CSMD1: variants seen among roughly 807,000 people sequenced by gnomAD.
CSMD1 encodes the protein CUB and sushi domain-containing protein 1.
Under a neutral mutation model 417.5 loss-of-function variants are expected in CSMD1, and 213 were observed. The observed-to-expected ratio is 0.51, with a 90% confidence interval of 0.46 to 0.57. The LOEUF (loss-of-function observed/expected upper bound fraction) is 0.57. Ranked by LOEUF, CSMD1 falls within the 20% of genes least tolerant of loss-of-function variation. CSMD1 has a pLI of 0.00. For synonymous variants in CSMD1, 2,862 were observed against 1,736.8 expected (o/e 1.65, Z -16.11); for missense variants, 6,923 against 4,529.7 (o/e 1.53, Z -15.17).
At chr8:3,427,114 G>A (rs73174819) in intron 12 of CSMD1, among the ~76,000 whole-genome samples, 142 of 152,244 alleles carry the variant, frequency 9.3e-4, no homozygotes, top group Non-Finnish European at 6.0e-4. Context: ...ACTCTACTTG[G>A]CCTCTCCTTT....
At chr8:3,299,226 T>A (rs1291633404) in intron 25 of CSMD1, among the ~76,000 whole-genome samples, 1 of 151,960 alleles carries the variant, frequency 6.6e-6, no homozygotes, top group Non-Finnish European at 1.5e-5. Context: ...CCGAGGTGGG[T>A]GGATCGCCTG....
At chr8:3,846,602 A>G (rs957772180) in intron 5 of CSMD1, among the ~76,000 whole-genome samples, 1 of 152,190 alleles carries the variant, frequency 6.6e-6, no homozygotes, top group East Asian at 1.9e-4. Context: ...AATATTCACA[A>G]ACATTAGCAG....
chr8:4,386,073 T>G (rs1803429531), intron 3 of CSMD1, among the ~76,000 whole-genome samples: 1 of 152,206 alleles, frequency 6.6e-6, no homozygotes, highest in Non-Finnish European at 1.5e-5. Flanking sequence ...GATACCTTCT[T>G]GTGTTTGCTC....
chr8:3,904,460 T>A (rs1208916656), intron 5 of CSMD1, among the ~76,000 whole-genome samples: 2 of 152,310 alleles, frequency 1.3e-5, no homozygotes, highest in East Asian at 3.9e-4. Context: ...GAGATTTCAG[T>A]AAATGCACAT....
chr8:3,166,643 G>A (rs1427090128), intron 37 of CSMD1, among the ~76,000 whole-genome samples: 1 of 152,184 alleles, frequency 6.6e-6, no homozygotes, highest in African/African-American at 2.4e-5. Flanking sequence ...CTCTCATATT[G>A]TCAAGCCAGG....
intron 2 of CSMD1, among the ~76,000 whole-genome samples, chr8:4,634,733 A>G (rs13271457): frequency 0.35 from 53,143 of 152,088 alleles, 10,195 homozygotes; most frequent in Admixed American, 0.53. Flanking sequence ...CCGATTAATT[A>G]GAATTTGCTA....
intron 2 of CSMD1, among the ~76,000 whole-genome samples, chr8:4,423,990 T>A (rs1797403500): frequency 6.6e-6 from 1 of 152,016 alleles, no homozygotes. Context: ...TTATGATGGA[T>A]CAATTGGATG....
chr8:4,647,054 A>T (rs904952401), intron 1 of CSMD1, among the ~76,000 whole-genome samples: 1 of 152,182 alleles, frequency 6.6e-6, no homozygotes, highest in Non-Finnish European at 1.5e-5. Flanking sequence ...TGAGGCCAAG[A>T]TGGCAGCAAA....
At chr8:4,053,749 T>G (rs147499105) in intron 3 of CSMD1, among the ~76,000 whole-genome samples, 2,075 of 152,252 alleles carry the variant, frequency 0.014, 44 homozygotes, top group African/African-American at 0.047. Flanking sequence ...GAATTTCCTC[T>G]GGATATGATG....
intron 23 of CSMD1, among the ~76,000 whole-genome samples, chr8:3,338,844 T>A (rs1807450694): frequency 6.6e-6 from 1 of 151,960 alleles, no homozygotes; most frequent in Admixed American, 6.5e-5. Context: ...ATTTTTATAT[T>A]TTTAATTAAC....
intron 10 of CSMD1, among the ~76,000 whole-genome samples, chr8:3,568,539 T>G (rs1450420165): frequency 1.3e-5 from 2 of 152,174 alleles, no homozygotes; most frequent in East Asian, 3.8e-4. Flanking sequence ...AAGCTCAAAT[T>G]AGAATCAGTA....
chr8:4,951,782 T>C (rs1331536423), intron 1 of CSMD1, among the ~76,000 whole-genome samples: 8 of 151,754 alleles, frequency 5.3e-5, no homozygotes, highest in African/African-American at 1.7e-4. Context: ...CCTTAATATC[T>C]CTGGTGAAAG....
At chr8:3,985,102 T>C (rs781251379) in intron 5 of CSMD1, among the ~76,000 whole-genome samples, 1 of 151,966 alleles carries the variant, frequency 6.6e-6, no homozygotes, top group African/African-American at 2.4e-5. Flanking sequence ...AGGGGGGACT[T>C]GTCATGAAGA....
At chr8:2,995,994 C>G (rs997697940) in intron 54 of CSMD1, among the ~76,000 whole-genome samples, 4 of 152,118 alleles carry the variant, frequency 2.6e-5, no homozygotes, top group Admixed American at 2.6e-4. Flanking sequence ...TGTCCATATG[C>G]TGGTTGGTCT....
intron 1 of CSMD1, among the ~76,000 whole-genome samples, chr8:4,960,070 T>C (rs12541020): frequency 0.66 from 100,287 of 152,050 alleles, 34,121 homozygotes; most frequent in Non-Finnish European, 0.74. Flanking sequence ...CTTACCACCA[T>C]TGGGACTCTA....
At chr8:4,040,104 A>G (rs993550176) in intron 3 of CSMD1, among the ~76,000 whole-genome samples, 1 of 152,206 alleles carries the variant, frequency 6.6e-6, no homozygotes. Context: ...ATTTTAACAT[A>G]TCGCAATTTC....
intron 18 of CSMD1, among the ~76,000 whole-genome samples, chr8:3,382,709 TG>T (rs1354636442): frequency 1.3e-5 from 2 of 150,976 alleles, no homozygotes; most frequent in Non-Finnish European, 2.9e-5. Flanking sequence ...TTATTAGTGT[TG>T]CATTTCTTCT....
At chr8:4,196,217 A>C (rs530163472) in intron 3 of CSMD1, among the ~76,000 whole-genome samples, 1 of 152,084 alleles carries the variant, frequency 6.6e-6, no homozygotes, top group Non-Finnish European at 1.5e-5. Context: ...TTTCAAAAAT[A>C]AATAAATAAA....
intron 5 of CSMD1, among the ~76,000 whole-genome samples, chr8:3,846,467 C>G (rs551175708): frequency 1.3e-5 from 2 of 152,284 alleles, no homozygotes; most frequent in Admixed American, 6.5e-5. Context: ...AATAACCTTC[C>G]TCTCAGTTTT....
Sources: gnomAD v4.1 joint callset for allele counts (sites outside exome capture counted in the v4.1 genomes callset) on GRCh38, gnomAD v4.1.1 for gene constraint, MANE v1.5 for transcripts, NCBI Gene and HGNC (gene_info 2026-07-23, HGNC 2026-07-21) for gene names.